ASB2: variants seen among roughly 807,000 people sequenced by gnomAD.
ASB2 encodes ankyrin repeat and SOCS box containing 2, also known as ankyrin repeat and SOCS box protein 2.
A neutral mutation model predicts 62.4 loss-of-function variants in ASB2; 58 were observed. The observed-to-expected ratio is 0.93, with a 90% CI of 0.75 to 1.16. ASB2 has a LOEUF of 1.16. Ranked by LOEUF, ASB2 falls within the 50% of genes most tolerant of loss-of-function variation. ASB2 has a pLI of 0.00. For synonymous variants in ASB2, 386 were observed against 385.3 expected, an observed-to-expected ratio of 1.00 and a Z score of -0.02; for missense variants, 928 against 887.9, an observed-to-expected ratio of 1.05 and a Z score of -0.57.
At position 93,939,330 on chromosome 14, in the gene ASB2, C is replaced by G; in HGVS notation, c.1395G>C (p.Ala465=). 1.9e-6 allele frequency: 3 copies of G among 1,610,820 alleles called. No homozygotes were observed. Among genetic ancestry groups the G allele is most frequent in the Non-Finnish European group, 2.5e-6 (3 of 1,178,170 alleles). The part of the protein sequence containing the change: ...RTMQLLLDHG[A]NIDAYIATHP... ...GCGTGGCGATATAGGCGTCGATGTTCGCGCCGTGGTCCAGCAGCAGCTGCA... is the reference window on the plus strand; with the variant it reads ...GCGTGGCGATATAGGCGTCGATGTTGGCGCCGTGGTCCAGCAGCAGCTGCA... The change falls in exon 8 of 10, where the codon GCG becomes GCC. Residue 465 remains alanine, a synonymous_variant. Transcript: ENST00000555019.
intron 2 of ASB2, among the ~76,000 whole-genome samples, chr14:93,959,622 G>T (rs563141006): frequency 6.6e-6 from 1 of 152,182 alleles, no homozygotes; most frequent in Non-Finnish European, 1.5e-5. Context: ...AAGAGCCCCA[G>T]GTAGGGCCTC....
chr14:93,964,828 C>A (rs1408800744), intron 1 of ASB2, among the ~76,000 whole-genome samples: 2 of 152,092 alleles, frequency 1.3e-5, no homozygotes, highest in African/African-American at 2.4e-5. Context: ...ACCATCCATC[C>A]ATTTATGCAT....
intron 7 of ASB2, chr14:93,942,118 C>A (rs754607965): frequency 2.4e-5 from 11 of 453,346 alleles, no homozygotes; most frequent in African/African-American, 8.0e-5. Flanking sequence ...CTCCTCTTCC[C>A]AGCCCATTTT....
At position 93,951,208 on chromosome 14, in the gene ASB2, A is replaced by G; in HGVS notation, c.671T>C (p.Leu224Pro). 1 of 1,610,490 alleles carries G rather than the reference A, an allele frequency of 6.2e-7. No homozygotes were observed. Among genetic ancestry groups the G allele is most frequent in the Non-Finnish European group, 8.5e-7 (1 of 1,178,420 alleles). The part of the protein sequence containing the change: ...ERKNAEAVKI[L>P]VQHNADTNHR... The stretch of plus-strand genomic sequence containing the variant: ...GTTGGTGTCTGCATTGTGCTGCACC[A>G]GAATCTTCACGGCCTCCGCGTTCTT... Residue 224 changes from leucine (L) to proline (P), a missense_variant, in exon 6 of 10, where the codon CTG (leucine) becomes CCG (proline). Coordinates refer to ENST00000555019, the MANE Select transcript of ASB2 (RefSeq NM_001202429.2).
At position 93,935,303 on chromosome 14, in the gene ASB2, G is replaced by GGCTGCCT. The variant is rs541973996; in HGVS notation, c.1772-518_1772-512dup. Among the ~76,000 whole-genome samples, 507 of 152,346 alleles carry GGCTGCCT rather than the reference G, an allele frequency of 3.3e-3. 2 individuals carry two copies. The highest frequency in any genetic ancestry group is 0.012 in the African/African-American group (487 of 41,576). On this transcript the variant is annotated intron_variant, in intron 9 of 9. Coordinates refer to ENST00000555019, the MANE Select transcript of ASB2 (RefSeq NM_001202429.2). ...CGCCTCGAGCTCCAGAATCCCACCT[G>GGCTGCCT]GCTGCCTCCCCCAGGAGCCACGTAG...
chr14:93,934,631 T>C lies in ASB2; in HGVS notation c.*25A>G. Reference sequence around the variant, plus strand: ...ACTTAGTAAGAAGAGTCTGAGGGGCTACTCCTCTCTCCCCGTGGCCCCAGT... The same window carrying C: ...ACTTAGTAAGAAGAGTCTGAGGGGCCACTCCTCTCTCCCCGTGGCCCCAGT... On this transcript the variant is annotated 3_prime_UTR_variant, in exon 10 of 10. Coordinates refer to ENST00000555019, the MANE Select transcript of ASB2 (RefSeq NM_001202429.2). 3 of 1,612,556 alleles carry C rather than the reference T, an allele frequency of 1.9e-6. No individual in the cohort carries two copies. In the South Asian group the frequency reaches 3.3e-5, roughly 18 times the overall value.
rs1889382788 is a variant in ASB2, at chr14:93,960,868, TTA to T, written c.206+3464_206+3465del. Among the ~76,000 whole-genome samples, 5 of 152,288 alleles carry T rather than the reference TTA, an allele frequency of 3.3e-5. No homozygotes were observed. The South Asian group carries it at 1.0e-3, about 32-fold the overall frequency. ...TGATCAATTGCATTGCTAGAGCTTT[TTA>T]TTGGTTTCAAAGGTATTTATTTGTT... is the stretch of plus-strand genomic sequence containing the variant. On this transcript the variant is annotated intron_variant, in intron 2 of 9. Coordinates refer to ENST00000555019, the MANE Select transcript of ASB2 (RefSeq NM_001202429.2).
rs530874507 is a variant in ASB2, at chr14:93,951,159, G to T, written c.720C>A (p.Thr240=). 1 of 1,614,060 alleles carries T rather than the reference G, an allele frequency of 6.2e-7. No individual in the cohort carries two copies. The highest frequency in any genetic ancestry group is 8.5e-7 in the Non-Finnish European group (1 of 1,179,968). ...TGCGAGACACAGACTCGTGCAGAGC[G>T]GTCCAGCCGCGGTTGCAGCGGTGGT... ...DTNHRCNRGW[T]ALHESVSRND... The change falls in exon 6 of 10, where the codon ACC becomes ACA. Residue 240 remains threonine (T), a synonymous_variant. Coordinates refer to ENST00000555019, the MANE Select transcript of ASB2 (RefSeq NM_001202429.2).
intron 6 of ASB2, chr14:93,948,106 G>A (rs12888439): frequency 0.21 from 32,324 of 153,502 alleles, 3,468 homozygotes; most frequent in Middle Eastern, 0.3. Context: ...CACCTACTAC[G>A]TGCTGAACAT....
intron 2 of ASB2, among the ~76,000 whole-genome samples, chr14:93,961,335 T>C (rs1039524953): frequency 6.6e-6 from 1 of 152,226 alleles, no homozygotes; most frequent in African/African-American, 2.4e-5. Context: ...TTTGAATCTC[T>C]AGACCTACTT....
intron 2 of ASB2, 127 bp downstream of exon 2, chr14:93,964,207 A>G (rs1214753750): frequency 3.8e-6 from 3 of 799,726 alleles, no homozygotes; most frequent in Non-Finnish European, 6.2e-6. Context: ...ACAAATGTAA[A>G]TGGGAAAGGT....
intron 7 of ASB2, chr14:93,942,197 C>A (rs1166301769): frequency 2.2e-6 from 1 of 456,100 alleles, no homozygotes; most frequent in Non-Finnish European, 4.4e-6. Context: ...ACTTCTCCCA[C>A]AGGCACGTTT....
intron 7 of ASB2, 55 bp downstream of exon 7, chr14:93,947,294 C>T (rs1265757248): frequency 4.1e-5 from 65 of 1,592,354 alleles, no homozygotes; most frequent in Non-Finnish European, 3.4e-6. Context: ...CAATCCCCTA[C>T]TCCCAGTGTG....
At chr14:93,975,559 C>G (rs758390627) in intron 1 of ASB2, among the ~76,000 whole-genome samples, 2 of 152,202 alleles carry the variant, frequency 1.3e-5, no homozygotes, top group Non-Finnish European at 2.9e-5. Flanking sequence ...ATGTGCATGC[C>G]GTCCTCTGCT....
Position 93,949,227 on chromosome 14 carries a change from G to A in ASB2, c.881-1707C>T, listed in dbSNP as rs1301170981. Among the ~76,000 whole-genome samples the A allele has an allele frequency of 5.3e-5, 8 of 152,322 alleles. No homozygotes were observed. In the East Asian group the frequency reaches 1.3e-3, roughly 26 times the overall value. On this transcript the variant is annotated intron_variant, in intron 6 of 9. Coordinates refer to ENST00000555019, the MANE Select transcript of ASB2 (RefSeq NM_001202429.2). Reference sequence around the variant, plus strand: ...AGGTCATCTCTCTAAGCATGTTGCTGATCTCAGGCTTTCTGGTAATTTATT... The same window carrying A: ...AGGTCATCTCTCTAAGCATGTTGCTAATCTCAGGCTTTCTGGTAATTTATT...
In ASB2 at chr14:93,947,356, T is replaced by G. The variant is rs1888765362; in HGVS notation, c.1045A>C (p.Asn349His). ...GGCGGAGCCTGGGCTGACCTGTAGT[T>G]GCCCTTCTTGGAGGCGATGTGCAGC... ...LPLHIASKKG[N>H]YRIVQMLLPV... is the part of the protein sequence containing the mutation. Residue 349 changes from asparagine (N) to histidine (H), a missense_variant, in exon 7 of 10, where the codon AAC becomes CAC. Coordinates refer to ENST00000555019, the MANE Select transcript of ASB2 (RefSeq NM_001202429.2). The G allele has an allele frequency of 6.2e-7, 1 of 1,614,008 alleles. No homozygotes were observed.
In ASB2 at chr14:93,939,486, G is replaced by C. The variant is rs947857931; in HGVS notation, c.1239C>G (p.Ser413=). 1.2e-6 allele frequency: 2 copies of C among 1,611,200 alleles called. No homozygotes were observed. The highest frequency in any genetic ancestry group is 2.2e-5 in the East Asian group (1 of 44,830). The change falls in exon 8 of 10, where the codon TCC becomes TCG. Residue 413 remains serine (S), a synonymous_variant. Coordinates refer to ENST00000555019, the MANE Select transcript of ASB2 (RefSeq NM_001202429.2). ...RARLYEDRRS[S]ALYFAVVNNN... ...TGTTGACCACCGCGAAGTACAGCGC[G>C]GAGCTGCGCCGGTCTTCGTAGAGGC...
At chr14:93,936,535 T>G (rs114540771) in intron 9 of ASB2, among the ~76,000 whole-genome samples, 1 of 152,224 alleles carries the variant, frequency 6.6e-6, no homozygotes, top group African/African-American at 2.4e-5. Flanking sequence ...AGTTAAGCCC[T>G]GAGTGAATGG....
At position 93,940,060 on chromosome 14, in the gene ASB2, C is replaced by T. The variant is rs544516516; in HGVS notation, c.1053-388G>A. On this transcript the variant is annotated intron_variant, in intron 7 of 9. Coordinates refer to ENST00000555019, the MANE Select transcript of ASB2 (RefSeq NM_001202429.2). ...TCCCACTAATTTATTTCAGGCTAAG[C>T]GCTGTTGCCCATTGCCAGCTCAGTT... The T allele has an allele frequency of 9.6e-4, 195 of 202,140 alleles. 2 individuals are homozygous for T. The highest frequency in any genetic ancestry group is 4.2e-3 in the African/African-American group (185 of 43,564). The allele number at this position is 202,140 out of a possible 1,614,324, so 12.5% of individuals were successfully genotyped here. A position where few individuals can be genotyped will look rare whatever the true frequency, so the allele number is the denominator to read the frequency against.
Sources: allele counts gnomAD v4.1 joint callset (sites outside exome capture counted in the v4.1 genomes callset), GRCh38; gene constraint gnomAD v4.1.1; transcripts MANE v1.5; gene names NCBI Gene and HGNC (gene_info 2026-07-23, HGNC 2026-07-21).